The following CCNJ variants were observed in gnomAD, a reference collection of about 807,000 sequenced individuals.
The protein encoded by CCNJ is cyclin-J.
A neutral mutation model predicts 41.4 loss-of-function variants in CCNJ; 12 were observed. That is an observed-to-expected ratio of 0.29 (90% CI 0.19 to 0.47). The LOEUF is 0.47. CCNJ is among the 20% of genes least tolerant of loss of function. The pLI is 1.00. For missense variants in CCNJ, 340 were observed against 464.6 expected (o/e 0.73, Z 2.47); for synonymous variants, 161 against 173.4 (o/e 0.93, Z 0.56).
intron 5 of CCNJ, 35 bp from the exon 6 acceptor site, chr10:96,057,795 T>A (rs1417443991): frequency 6.3e-7 from 1 of 1,582,140 alleles, no homozygotes; most frequent in African/African-American, 1.4e-5. Flanking sequence ...TCTCAAGCAG[T>A]ATTTTTAATA....
chr10:96,054,186 G>C (rs1319895774), intron 3 of CCNJ, among the ~76,000 whole-genome samples: 4 of 152,112 alleles, frequency 2.6e-5, no homozygotes, highest in African/African-American at 9.7e-5. Flanking sequence ...TGAATTTCCT[G>C]TGCCCTTATT....
intron 2 of CCNJ, among the ~76,000 whole-genome samples, chr10:96,045,895 A>G (rs1008714252): frequency 6.6e-6 from 1 of 152,098 alleles, no homozygotes; most frequent in Non-Finnish European, 1.5e-5. Context: ...TCGGCCTCCT[A>G]AAGTGCTGGG....
chr10:96,044,069 TC>T (rs1162409060), intron 1 of CCNJ, among the ~76,000 whole-genome samples: 2 of 152,140 alleles, frequency 1.3e-5, no homozygotes, highest in Non-Finnish European at 2.9e-5. Context: ...CTTCCCGAGC[TC>T]GCACCTGGCT....
rs774385881 is a variant in CCNJ, at chr10:96,057,016, T to A, written c.580+16T>A. 15 of 1,612,986 alleles carry A rather than the reference T, an allele frequency of 9.3e-6. No individual in the cohort carries two copies. In the South Asian group the frequency reaches 1.6e-4, roughly 18 times the overall value. ...TCTTTGCAAGGTGGGTTGTTGTGAA[T>A]ACCAGTAAGTGACTTGTGCACTTGT... is the stretch of plus-strand genomic sequence containing the variant. On this transcript the variant is annotated intron_variant, in intron 4 of 5. Coordinates refer to ENST00000465148, the MANE Select transcript of CCNJ (RefSeq NM_001134375.2).
At chr10:96,043,753 C>T (rs919217386) in intron 1 of CCNJ, 34 bp downstream of exon 1, 7 of 388,216 alleles carry the variant, frequency 1.8e-5, no homozygotes, top group African/African-American at 1.2e-4. Flanking sequence ...GGCGGCCCGG[C>T]AGGCCTGGGG....
intron 3 of CCNJ, among the ~76,000 whole-genome samples, chr10:96,056,165 C>T (rs1564706768): frequency 1.3e-5 from 2 of 152,016 alleles, no homozygotes; most frequent in Non-Finnish European, 2.9e-5. Flanking sequence ...AAAAATTAGC[C>T]AGGCGTGGTG....
At chr10:96,050,748 T>TG in intron 3 of CCNJ, among the ~76,000 whole-genome samples, 2 of 152,346 alleles carry the variant, frequency 1.3e-5, no homozygotes, top group South Asian at 4.1e-4. Flanking sequence ...TTTTTTAACT[T>TG]TTTGAAAAAG....
In CCNJ at chr10:96,058,213, C is replaced by T. The variant is rs2080747403; in HGVS notation, c.1124C>T (p.Pro375Leu). 6.2e-7 allele frequency: 1 copy of T among 1,613,704 alleles called. No individual in the cohort carries two copies. Among genetic ancestry groups the T allele is most frequent in the Non-Finnish European group, 8.5e-7 (1 of 1,179,664 alleles). The change falls in exon 6 of 6, where the codon CCT (proline) becomes CTT (leucine). Residue 375 changes from proline (P) to leucine (L), a missense_variant. Physicochemically the swap from Pro to Leu is moderately conservative, Grantham distance 98 (BLOSUM62 -3). Around this residue, in one of 3 missense-constraint regions of CCNJ, gnomAD observed 159 missense variants for 168.2 expected, o/e 0.95. Coordinates refer to ENST00000465148, the MANE Select transcript of CCNJ (RefSeq NM_001134375.2). ...AGTTATCAGATAAATGAACATTACCCTTGTATTACTCCATGTTTTGAAAGG... is the reference window on the plus strand; with the variant it reads ...AGTTATCAGATAAATGAACATTACCTTTGTATTACTCCATGTTTTGAAAGG... ...NRSYQINEHY[P>L]CITPCFER
At position 96,059,454 on chromosome 10, in the gene CCNJ, A is replaced by T. The variant is rs1323786248; in HGVS notation, c.*1213A>T. ...CTGCCCTGGGACATTTCACTGTACC[A>T]GTATTAACTGCAAACAGCAATAATT... On this transcript the variant is annotated 3_prime_UTR_variant, in exon 6 of 6. Coordinates refer to ENST00000465148, the MANE Select transcript of CCNJ (RefSeq NM_001134375.2). 6.6e-6 allele frequency: 1 copy of T among 152,596 alleles called. No individual in the cohort carries two copies. The highest frequency in any genetic ancestry group is 1.5e-5 in the Non-Finnish European group (1 of 68,044). The allele number at this position is 152,596 out of a possible 1,614,324, so 9.5% of individuals were successfully genotyped here. A position where few individuals can be genotyped will look rare whatever the true frequency, so the allele number is the denominator to read the frequency against.
At position 96,058,351 on chromosome 10, in the gene CCNJ, T is replaced by C. The variant is rs2080750638; in HGVS notation, c.*110T>C. ...AAAGGGATCTAAATGACATCAGAAC[T>C]CTTCAGGTACCAGCACCAGGAAGAC... On this transcript the variant is annotated 3_prime_UTR_variant, in exon 6 of 6. Transcript: ENST00000465148. 1 of 849,196 alleles carries C rather than the reference T, an allele frequency of 1.2e-6. No homozygotes were observed. The highest frequency in any genetic ancestry group is 1.7e-5 in the African/African-American group (1 of 59,160). 52.6% of individuals were successfully genotyped at this position (849,196 alleles called of 1,614,324 possible).
chr10:96,057,852 G>A lies in CCNJ; in HGVS notation c.763G>A (p.Glu255Lys). The A allele has an allele frequency of 6.2e-7, 1 of 1,613,996 alleles. No individual in the cohort carries two copies. The highest frequency in any genetic ancestry group is 8.5e-7 in the Non-Finnish European group (1 of 1,179,936). The part of the protein sequence containing the change: ...LLIAHDNDVK[E>K]ANKQRGQAGP... ...CAGCGCTCATGATAATGATGTGAAA[G>A]AAGCAAACAAACAGAGAGGGCAAGC... The change falls in exon 6 of 6, where the codon GAA becomes AAA. Residue 255 changes from glutamate to lysine, a missense_variant. Physicochemically the swap from Glu to Lys is moderately conservative, Grantham distance 56. Transcript: ENST00000465148.
At chr10:96,044,192 G>T (rs1207351719) in intron 1 of CCNJ, among the ~76,000 whole-genome samples, 161 bp from the exon 2 acceptor site, 1 of 152,212 alleles carries the variant, frequency 6.6e-6, no homozygotes, top group South Asian at 2.1e-4. Context: ...CCGGCTTCGC[G>T]TGTGGCGTTG....
At position 96,044,477 on chromosome 10, in the gene CCNJ, C is replaced by G. The variant is rs762458323; in HGVS notation, c.69+15C>G. On this transcript the variant is annotated intron_variant, in intron 2 of 5. Coordinates refer to ENST00000465148, the MANE Select transcript of CCNJ (RefSeq NM_001134375.2). ...TTCGCTACAAGGTAACTCCGAGGCCCGGCCTGCCTTCTCCTTCTGTGTGTC... is the reference window on the plus strand; with the variant it reads ...TTCGCTACAAGGTAACTCCGAGGCCGGGCCTGCCTTCTCCTTCTGTGTGTC... 2.0e-6 allele frequency: 3 copies of G among 1,509,864 alleles called. No individual in the cohort carries two copies. The highest frequency in any genetic ancestry group is 2.0e-5 in the Admixed American group (1 of 50,214). 93.5% of individuals were successfully genotyped at this position (1,509,864 alleles called of 1,614,324 possible).
At chr10:96,049,689 T>G (rs1243546203) in intron 2 of CCNJ, among the ~76,000 whole-genome samples, 1 of 152,052 alleles carries the variant, frequency 6.6e-6, no homozygotes, top group African/African-American at 2.4e-5. Flanking sequence ...CAAGTTGATA[T>G]AATATAGTCC....
At chr10:96,057,412 G>A (rs576855086) in intron 5 of CCNJ, among the ~76,000 whole-genome samples, 165 bp downstream of exon 5, 17 of 152,278 alleles carry the variant, frequency 1.1e-4, no homozygotes, top group African/African-American at 4.1e-4. Flanking sequence ...AGAACTCTAG[G>A]GAAGGTGTCA....
intron 3 of CCNJ, among the ~76,000 whole-genome samples, chr10:96,051,906 G>A (rs1564704352): frequency 1.3e-5 from 2 of 152,146 alleles, no homozygotes; most frequent in Non-Finnish European, 2.9e-5. Context: ...ACTTCCCACT[G>A]CCTATATATT....
At chr10:96,057,417 G>A (rs2080723574) in intron 5 of CCNJ, among the ~76,000 whole-genome samples, 170 bp downstream of exon 5, 4 of 152,194 alleles carry the variant, frequency 2.6e-5, no homozygotes, top group Admixed American at 2.6e-4. Flanking sequence ...TCTAGGGAAG[G>A]TGTCATTGTT....
intron 3 of CCNJ, among the ~76,000 whole-genome samples, chr10:96,056,265 C>T (rs544009038): frequency 5.9e-4 from 90 of 151,538 alleles, no homozygotes; most frequent in Non-Finnish European, 1.1e-3. Flanking sequence ...GCCGAGATCA[C>T]GCCACTGCAC....
chr10:96,050,166 C>G, intron 2 of CCNJ, 90 bp from the exon 3 acceptor site: 1 of 873,216 alleles, frequency 1.1e-6, no homozygotes, highest in Non-Finnish European at 1.9e-6. Flanking sequence ...ACTTGTAATA[C>G]TAATATATTG....
Sources: allele counts gnomAD v4.1 joint callset (sites outside exome capture counted in the v4.1 genomes callset), GRCh38; gene constraint gnomAD v4.1.1; regional missense constraint gnomAD v4.1.1; transcripts MANE v1.5; gene names NCBI Gene and HGNC (gene_info 2026-07-23, HGNC 2026-07-21).